LIPI: variants seen among roughly 807,000 people sequenced by gnomAD.
LIPI encodes lipase member I.
A neutral mutation model predicts 50.6 loss-of-function variants in LIPI; 59 were observed. That is an observed-to-expected ratio of 1.16 (90% CI 0.94 to 1.45). The LOEUF is 1.45. LIPI is among the 40% of genes most tolerant of loss of function. The pLI is 0.00. For synonymous variants in LIPI, 203 were observed against 178.2 expected (o/e 1.14, Z -1.11); for missense variants, 586 against 536.3 (o/e 1.09, Z -0.92).
At chr21:14,175,432 T>C (rs2019060562) in intron 4 of LIPI, among the ~76,000 whole-genome samples, 2 of 152,210 alleles carry the variant, frequency 1.3e-5, no homozygotes, top group Admixed American at 1.3e-4. Context: ...CTTAACTAGG[T>C]TGTCTTTGTC....
intron 4 of LIPI, among the ~76,000 whole-genome samples, chr21:14,179,198 C>A (rs1158821645): frequency 6.6e-6 from 1 of 151,816 alleles, no homozygotes; most frequent in Non-Finnish European, 1.5e-5. Flanking sequence ...GGCCACATGG[C>A]TTTCTGAACA....
At chr21:14,109,885 T>A (rs1003812177) in intron 9 of LIPI, among the ~76,000 whole-genome samples, 2 of 151,814 alleles carry the variant, frequency 1.3e-5, no homozygotes, top group Non-Finnish European at 2.9e-5. Context: ...GTTATCACTG[T>A]CATGAATTTT....
At chr21:14,159,182 A>G (rs1475859795) in intron 7 of LIPI, among the ~76,000 whole-genome samples, 1 of 151,456 alleles carries the variant, frequency 6.6e-6, no homozygotes, top group Non-Finnish European at 1.5e-5. Flanking sequence ...CTGTTATGCC[A>G]AAACCAGACA....
chr21:14,156,346 CAGAGATGTCGTGCAGAAAA>C (rs1338157841), intron 7 of LIPI, among the ~76,000 whole-genome samples: 1 of 151,742 alleles, frequency 6.6e-6, no homozygotes, highest in Non-Finnish European at 1.5e-5. Flanking sequence ...GAATCAGAAA[CAGAGATGTCGTGCAGAAAA>C]AGGGTCAAAA....
intron 1 of LIPI, among the ~76,000 whole-genome samples, chr21:14,196,085 G>A (rs1401908416): frequency 1.5e-5 from 2 of 136,994 alleles, no homozygotes; most frequent in African/African-American, 2.7e-5. Context: ...TAATGCATGA[G>A]AAATAAAAAC....
intron 9 of LIPI, among the ~76,000 whole-genome samples, chr21:14,110,788 T>A (rs1051110890): frequency 1.3e-5 from 2 of 151,778 alleles, no homozygotes; most frequent in Non-Finnish European, 3.0e-5. Context: ...GGTTCATTCA[T>A]GCTGTTGCCA....
chr21:14,164,044 A>ATG (rs1399751637), intron 6 of LIPI, among the ~76,000 whole-genome samples: 18 of 150,344 alleles, frequency 1.2e-4, no homozygotes, highest in African/African-American at 4.4e-4. Flanking sequence ...CATATTTCAG[A>ATG]TACATATGTG....
intron 7 of LIPI, among the ~76,000 whole-genome samples, chr21:14,152,996 T>G (rs2018151792): frequency 6.6e-6 from 1 of 152,140 alleles, no homozygotes. Context: ...TTTTCAGAAA[T>G]TAGGCCAATT....
At chr21:14,184,782 T>C (rs2019396592) in intron 3 of LIPI, among the ~76,000 whole-genome samples, 1 of 152,202 alleles carries the variant, frequency 6.6e-6, no homozygotes, top group South Asian at 2.1e-4. Context: ...CTTTAAGCAC[T>C]AGGGAACTTT....
intron 1 of LIPI, among the ~76,000 whole-genome samples, chr21:14,195,938 T>C (rs761578707): frequency 2.6e-5 from 4 of 152,198 alleles, no homozygotes; most frequent in East Asian, 1.9e-4. Flanking sequence ...CATTAAAAAC[T>C]GACAAAACCA....
At chr21:14,195,297 A>C (rs2019806413) in intron 1 of LIPI, among the ~76,000 whole-genome samples, 1 of 152,196 alleles carries the variant, frequency 6.6e-6, no homozygotes. Context: ...AGAATCACAA[A>C]GAGCTGAAAG....
chr21:14,141,744 G>A (rs1363692596), intron 9 of LIPI, among the ~76,000 whole-genome samples: 3 of 152,112 alleles, frequency 2.0e-5, no homozygotes, highest in Non-Finnish European at 2.9e-5. Flanking sequence ...TCTTTTTACC[G>A]TCCATATGAA....
intron 7 of LIPI, among the ~76,000 whole-genome samples, chr21:14,156,716 T>A (rs1173534965): frequency 6.6e-6 from 1 of 151,836 alleles, no homozygotes; most frequent in Non-Finnish European, 1.5e-5. Flanking sequence ...AAATTAGAAA[T>A]AAGAAGAAGC....
chr21:14,163,979 T>C (rs2018585174), intron 6 of LIPI, among the ~76,000 whole-genome samples: 1 of 150,840 alleles, frequency 6.6e-6, no homozygotes, highest in Non-Finnish European at 1.5e-5. Context: ...ATATATATTA[T>C]ATATATGTAG....
intron 9 of LIPI, among the ~76,000 whole-genome samples, chr21:14,114,774 C>T (rs2016558676): frequency 6.6e-6 from 1 of 152,142 alleles, no homozygotes; most frequent in Non-Finnish European, 1.5e-5. Context: ...AGAAAGCCAA[C>T]AAACTTCAAA....
chr21:14,151,757 G>A (rs193301682), intron 8 of LIPI, among the ~76,000 whole-genome samples: 1 of 152,016 alleles, frequency 6.6e-6, no homozygotes, highest in South Asian at 2.1e-4. Flanking sequence ...CAAGCCAAGA[G>A]CATTCTTTTA....
chr21:14,133,676 G>A (rs1327413372), intron 9 of LIPI, among the ~76,000 whole-genome samples: 2 of 152,212 alleles, frequency 1.3e-5, no homozygotes, highest in East Asian at 3.9e-4. Context: ...TGGAAAAGAG[G>A]AAGTAAAATT....
chr21:14,134,991 T>A (rs1211462976), intron 9 of LIPI, among the ~76,000 whole-genome samples: 1 of 151,948 alleles, frequency 6.6e-6, no homozygotes, highest in Non-Finnish European at 1.5e-5. Context: ...ATCAACCGAG[T>A]AAACAGAAAA....
chr21:14,129,787 T>C (rs187099975), intron 9 of LIPI, among the ~76,000 whole-genome samples: 1 of 147,842 alleles, frequency 6.8e-6, no homozygotes, highest in East Asian at 2.0e-4. Context: ...TGTTCAATAA[T>C]GACTCTAATT....
Sources: gnomAD v4.1 joint callset for allele counts (sites outside exome capture counted in the v4.1 genomes callset) on GRCh38, gnomAD v4.1.1 for gene constraint, MANE v1.5 for transcripts, NCBI Gene and HGNC (gene_info 2026-07-23, HGNC 2026-07-21) for gene names.